Variants in N4BP1 observed in about 807,000 individuals in gnomAD.
N4BP1 encodes NEDD4 binding protein 1.
Under a neutral mutation model 70.9 loss-of-function variants are expected in N4BP1, and 21 were observed. That is an observed-to-expected ratio of 0.30 (90% CI 0.21 to 0.43). The LOEUF (loss-of-function observed/expected upper bound fraction) is 0.43, where lower values mean the gene tolerates loss of function less well. N4BP1 is among the 20% of genes least tolerant of loss of function. The pLI is 1.00. For synonymous variants in N4BP1, 387 were observed against 394.6 expected (o/e 0.98, Z 0.23); for missense variants, 936 against 1,069.4 (o/e 0.88, Z 1.74).
intron 1 of N4BP1, among the ~76,000 whole-genome samples, chr16:48,573,109 A>C (rs1597101671): frequency 1.8e-5 from 1 of 54,674 alleles, no homozygotes; most frequent in Non-Finnish European, 3.4e-5. Context: ...ACCTTGTCTC[A>C]AAAAAAAAAA....
chr16:48,551,524 A>G lies in N4BP1; in HGVS notation c.2021-42T>C, dbSNP rs1489960928. 2.9e-6 allele frequency: 4 copies of G among 1,356,058 alleles called. No individual in the cohort carries two copies. The East Asian group carries it at 9.5e-5, about 32-fold the overall frequency. 84.0% of individuals were successfully genotyped at this position (1,356,058 alleles called of 1,614,324 possible). On this transcript the variant is annotated intron_variant, in intron 3 of 6. Transcript: ENST00000262384. Reference sequence around the variant, plus strand: ...TTGAATATACATTCAGAAAAGGGCTATCTTCCCAAATGTATCAAGAAATGA... The same window carrying G: ...TTGAATATACATTCAGAAAAGGGCTGTCTTCCCAAATGTATCAAGAAATGA...
intron 1 of N4BP1, chr16:48,577,561 A>G (rs1338956609): frequency 4.9e-6 from 1 of 203,114 alleles, no homozygotes; most frequent in Admixed American, 4.9e-5. Flanking sequence ...GGTCCTTTGC[A>G]TGGAGACTCT....
chr16:48,552,262 G>A (rs1327026296), intron 3 of N4BP1, among the ~76,000 whole-genome samples: 1 of 152,100 alleles, frequency 6.6e-6, no homozygotes, highest in East Asian at 1.9e-4. Flanking sequence ...TGATGACAGT[G>A]GAGAATGGAG....
At chr16:48,552,822 T>C (rs1963695641) in intron 3 of N4BP1, among the ~76,000 whole-genome samples, 3 of 147,934 alleles carry the variant, frequency 2.0e-5, no homozygotes, top group African/African-American at 2.5e-5. Context: ...AAGATGAATA[T>C]GCTCTTCAAA....
intron 1 of N4BP1, among the ~76,000 whole-genome samples, chr16:48,579,754 G>T (rs1021057390): frequency 6.6e-6 from 1 of 151,942 alleles, no homozygotes; most frequent in African/African-American, 2.4e-5. Context: ...CAGACTGAAG[G>T]TGAAGGGATG....
chr16:48,607,483 G>A (rs1168025205), intron 1 of N4BP1, among the ~76,000 whole-genome samples: 1 of 152,182 alleles, frequency 6.6e-6, no homozygotes, highest in Non-Finnish European at 1.5e-5. Flanking sequence ...GGTGACAGGA[G>A]GCTCTAGTAG....
intron 1 of N4BP1, among the ~76,000 whole-genome samples, chr16:48,567,330 T>G (rs1397036860): frequency 1.3e-5 from 2 of 152,220 alleles, no homozygotes. Context: ...TTTTTTTCTT[T>G]GTGAGACAGA....
chr16:48,594,038 C>G (rs1014787001), intron 1 of N4BP1, among the ~76,000 whole-genome samples: 1 of 146,470 alleles, frequency 6.8e-6, no homozygotes, highest in African/African-American at 2.6e-5. Flanking sequence ...AACCACCTAG[C>G]TTTAGCATTT....
Position 48,553,600 on chromosome 16 carries a change from G to T in N4BP1, c.1959C>A (p.Gly653=). The T allele has an allele frequency of 6.2e-7, 1 of 1,606,130 alleles. No homozygotes were observed. The highest frequency in any genetic ancestry group is 8.5e-7 in the Non-Finnish European group (1 of 1,176,560). ...AIAVEYFWKL[G]NRNITVFVPQ... ...GGACAAATACAGTGATGTTTCTGTT[G>T]CCAAGCTTCCAAAAATATTCAACTG... Residue 653 remains glycine (G), a synonymous_variant, in exon 3 of 7, where the codon GGC becomes GGA. Transcript: ENST00000262384.
chr16:48,567,601 G>C (rs1963961991), intron 1 of N4BP1, among the ~76,000 whole-genome samples: 2 of 152,144 alleles, frequency 1.3e-5, no homozygotes, highest in African/African-American at 2.4e-5. Context: ...TTACAGGTGA[G>C]AGCCACCATG....
chr16:48,563,754 C>T (rs1223990125), intron 1 of N4BP1, among the ~76,000 whole-genome samples: 1 of 152,152 alleles, frequency 6.6e-6, no homozygotes, highest in Non-Finnish European at 1.5e-5. Flanking sequence ...TCTAATAGAA[C>T]AAGTGAATGC....
chr16:48,544,386 C>G (rs1751577472), intron 6 of N4BP1, among the ~76,000 whole-genome samples: 1 of 152,200 alleles, frequency 6.6e-6, no homozygotes, highest in South Asian at 2.1e-4. Context: ...TGGAAAAGAT[C>G]AGCTGGAAAG....
rs531785111 is a variant in N4BP1 at position 48,579,181 on chromosome 16, C to G, written c.199-16737G>C. Among the ~76,000 whole-genome samples the G allele has an allele frequency of 2.6e-5, 4 of 152,226 alleles. No individual in the cohort carries two copies. The South Asian group carries it at 8.3e-4, about 32-fold the overall frequency. On this transcript the variant is annotated intron_variant, in intron 1 of 6. Coordinates refer to ENST00000262384, the MANE Select transcript of N4BP1 (RefSeq NM_153029.4). ...GTCAGATGAGAAACCCTGAACTAAT[C>G]AATAAATGTCTAACAAGAACATGTC...
chr16:48,547,882 T>G, intron 5 of N4BP1, 125 bp downstream of exon 5: 2 of 651,938 alleles, frequency 3.1e-6, no homozygotes, highest in Admixed American at 5.3e-5. Context: ...CTTATGATAC[T>G]TTGGTCCCCT....
At chr16:48,602,304 T>C (rs552640828) in intron 1 of N4BP1, among the ~76,000 whole-genome samples, 1 of 152,326 alleles carries the variant, frequency 6.6e-6, no homozygotes, top group South Asian at 2.1e-4. Context: ...AATTAATTAC[T>C]GTAAGGATTT....
rs566475990 is a variant in N4BP1, at chr16:48,579,933, A to G, written c.199-17489T>C. Among the ~76,000 whole-genome samples, 13 of 152,234 alleles carry G rather than the reference A, an allele frequency of 8.5e-5. No individual in the cohort carries two copies. In the South Asian group the frequency reaches 2.5e-3, roughly 29 times the overall value. ...GTATAACAACTATACATACATATATATATATATGTACACACTCAAATACAT... is the reference window on the plus strand; with the variant it reads ...GTATAACAACTATACATACATATATGTATATATGTACACACTCAAATACAT... On this transcript the variant is annotated intron_variant, in intron 1 of 6. Coordinates refer to ENST00000262384, the MANE Select transcript of N4BP1 (RefSeq NM_153029.4).
intron 1 of N4BP1, among the ~76,000 whole-genome samples, chr16:48,605,033 C>CTT (rs111673638): frequency 6.9e-6 from 1 of 145,580 alleles, no homozygotes. Context: ...AAGAAGGGTT[C>CTT]TTTTTTTTTT....
At chr16:48,578,100 GC>G in intron 1 of N4BP1, 2 of 160,038 alleles carry the variant, frequency 1.2e-5, no homozygotes, top group Non-Finnish European at 2.8e-5. Flanking sequence ...CCTTGAGAGA[GC>G]CCCCAGTTAA....
intron 1 of N4BP1, among the ~76,000 whole-genome samples, chr16:48,569,887 C>T (rs375063742): frequency 6.6e-6 from 1 of 152,102 alleles, no homozygotes; most frequent in Non-Finnish European, 1.5e-5. Flanking sequence ...CTGAACTCCT[C>T]CCTCTCTGCC....
Sources: allele counts gnomAD v4.1 joint callset (sites outside exome capture counted in the v4.1 genomes callset), GRCh38; gene constraint gnomAD v4.1.1; transcripts MANE v1.5; gene names NCBI Gene and HGNC (gene_info 2026-07-23, HGNC 2026-07-21).